Variants in CCDC192 observed in about 807,000 individuals in gnomAD.
The protein encoded by CCDC192 is coiled-coil domain-containing protein 192.
chr5:127,766,366 A>G (rs1263062453), intron 3 of CCDC192, among the ~76,000 whole-genome samples: 1 of 152,184 alleles, frequency 6.6e-6, no homozygotes, highest in Non-Finnish European at 1.5e-5. Flanking sequence ...TAGAGAGGAC[A>G]TATAATGGGT....
At chr5:127,742,620 A>G (rs115309353) in intron 2 of CCDC192, among the ~76,000 whole-genome samples, 2,534 of 152,316 alleles carry the variant, frequency 0.017, 66 homozygotes, top group South Asian at 0.019. Context: ...TAAACCAGTA[A>G]GAATTTTCAC....
At chr5:127,709,097 G>A (rs1443376679) in intron 2 of CCDC192, among the ~76,000 whole-genome samples, 1 of 117,558 alleles carries the variant, frequency 8.5e-6, no homozygotes, top group African/African-American at 3.7e-5. Flanking sequence ...CACACAGTGG[G>A]AGCAGGAGAG....
At chr5:127,787,473 A>AT (rs1184685672) in intron 3 of CCDC192, among the ~76,000 whole-genome samples, 3 of 151,608 alleles carry the variant, frequency 2.0e-5, no homozygotes, top group East Asian at 1.9e-4. Flanking sequence ...TTGCCTTGTG[A>AT]TTTTTTCTTT....
chr5:127,713,101 G>T (rs1415925517), intron 2 of CCDC192, among the ~76,000 whole-genome samples: 1 of 152,062 alleles, frequency 6.6e-6, no homozygotes, highest in Non-Finnish European at 1.5e-5. Context: ...GGGCATGGTG[G>T]TGCATGCCTG....
intron 6 of CCDC192, among the ~76,000 whole-genome samples, chr5:127,890,832 C>A (rs1011089728): frequency 4.6e-5 from 7 of 152,174 alleles, no homozygotes; most frequent in Non-Finnish European, 8.8e-5. Context: ...ATTTGCCCGA[C>A]AAAACATCTG....
At chr5:127,832,651 A>T (rs1035793105) in intron 5 of CCDC192, among the ~76,000 whole-genome samples, 3 of 152,174 alleles carry the variant, frequency 2.0e-5, no homozygotes, top group African/African-American at 7.2e-5. Flanking sequence ...AACAAAGTAG[A>T]TATCAAACTT....
intron 3 of CCDC192, among the ~76,000 whole-genome samples, chr5:127,762,588 T>C (rs1462562081): frequency 2.0e-5 from 3 of 152,190 alleles, no homozygotes; most frequent in Non-Finnish European, 2.9e-5. Flanking sequence ...GCAGGCGGGA[T>C]GTGTGGATTG....
At chr5:127,872,390 C>A (rs573781011) in intron 5 of CCDC192, among the ~76,000 whole-genome samples, 2 of 152,154 alleles carry the variant, frequency 1.3e-5, no homozygotes, top group Non-Finnish European at 2.9e-5. Context: ...CTCACAAATA[C>A]CAGAATTATC....
At chr5:127,809,433 G>A (rs954001632) in intron 5 of CCDC192, among the ~76,000 whole-genome samples, 5 of 152,122 alleles carry the variant, frequency 3.3e-5, no homozygotes, top group Admixed American at 3.3e-4. Context: ...TAAATAATTA[G>A]TGTGTTGGGG....
At chr5:127,756,039 A>G (rs1007452138) in intron 3 of CCDC192, among the ~76,000 whole-genome samples, 1 of 151,950 alleles carries the variant, frequency 6.6e-6, no homozygotes, top group Non-Finnish European at 1.5e-5. Context: ...AGGCTGAGGC[A>G]GGAGAATGGC....
intron 2 of CCDC192, among the ~76,000 whole-genome samples, chr5:127,727,380 G>A (rs1420919725): frequency 1.3e-5 from 2 of 152,068 alleles, no homozygotes; most frequent in Non-Finnish European, 2.9e-5. Context: ...GCTGAAGCAG[G>A]AGAATCACTT....
chr5:127,824,656 CAAG>C (rs1007882114), intron 5 of CCDC192, among the ~76,000 whole-genome samples: 54 of 152,190 alleles, frequency 3.5e-4, no homozygotes, highest in African/African-American at 1.2e-3. Context: ...CCTCATAGAT[CAAG>C]AAGAAGTCAG....
intron 5 of CCDC192, among the ~76,000 whole-genome samples, chr5:127,834,676 G>A (rs983809971): frequency 6.6e-6 from 1 of 152,204 alleles, no homozygotes; most frequent in Non-Finnish European, 1.5e-5. Context: ...AGCAACTGTT[G>A]CGTGCAAACA....
rs112929550 is a variant in CCDC192, at chr5:127,746,305, G to T, written c.115-7963G>T. 3.3e-4 allele frequency among the ~76,000 whole-genome samples: 50 copies of T among 152,278 alleles called. 1 individual carries two copies. The South Asian group carries it at 5.2e-3, about 16-fold the overall frequency. On this transcript the variant is annotated intron_variant, in intron 2 of 6. Coordinates refer to ENST00000514853, the MANE Select transcript of CCDC192 (RefSeq NM_001317938.2). ...GTTTATGCCTGTTTCATTTGGCTTT[G>T]ACTTATATTGCTTTTGTCTTATGGA...
intron 6 of CCDC192, among the ~76,000 whole-genome samples, chr5:127,896,047 G>C (rs1388732211): frequency 6.6e-6 from 1 of 152,164 alleles, no homozygotes; most frequent in East Asian, 1.9e-4. Flanking sequence ...GGCCCTTTTT[G>C]AAGAGATTCT....
At chr5:127,872,821 C>G (rs1443586417) in intron 5 of CCDC192, among the ~76,000 whole-genome samples, 1 of 152,088 alleles carries the variant, frequency 6.6e-6, no homozygotes, top group Non-Finnish European at 1.5e-5. Context: ...GCATGACTGC[C>G]CTGTATGCTG....
intron 5 of CCDC192, among the ~76,000 whole-genome samples, chr5:127,816,975 C>A (rs1436980738): frequency 6.6e-6 from 1 of 152,172 alleles, no homozygotes; most frequent in African/African-American, 2.4e-5. Flanking sequence ...TTTCTTTAAA[C>A]CTTGTCCTTC....
At chr5:127,717,928 C>CAAAAAAAAAAAAAAAAAAAAAAAACAAAA in intron 2 of CCDC192, among the ~76,000 whole-genome samples, 1 of 98,074 alleles carries the variant, frequency 1.0e-5, no homozygotes, top group Non-Finnish European at 2.0e-5. Flanking sequence ...TAAAGCTAGA[C>CAAAAAAAAAAAAAAAAAAAAAAAACAAAA]AAAAAAAAAA....
At chr5:127,844,890 C>A (rs1464415760) in intron 5 of CCDC192, among the ~76,000 whole-genome samples, 2 of 152,198 alleles carry the variant, frequency 1.3e-5, no homozygotes, top group Non-Finnish European at 2.9e-5. Flanking sequence ...TCTGAAGCCT[C>A]ACAGGGCCTT....
Sources: gnomAD v4.1 joint callset for allele counts (sites outside exome capture counted in the v4.1 genomes callset) on GRCh38, gnomAD v4.1.1 for gene constraint, MANE v1.5 for transcripts, NCBI Gene and HGNC (gene_info 2026-07-23, HGNC 2026-07-21) for gene names.